CPS1: variants seen among roughly 807,000 people sequenced by gnomAD.
CPS1 encodes the protein carbamoyl-phosphate synthase 1, also known as carbamoyl-phosphate synthase [ammonia], mitochondrial.
A neutral mutation model predicts 174.6 loss-of-function variants in CPS1; 109 were observed. The observed-to-expected ratio is 0.62, with a 90% CI of 0.53 to 0.73. The LOEUF (loss-of-function observed/expected upper bound fraction) is 0.73, where lower values mean the gene tolerates loss of function less well. Among genes scored for constraint, CPS1 ranks in the 30% least tolerant of loss-of-function variants. The pLI is 0.00. For missense variants in CPS1, 1,689 were observed against 1,821.9 expected, an observed-to-expected ratio of 0.93 and a Z score of 1.33; for synonymous variants, 637 against 632.0, an observed-to-expected ratio of 1.01 and a Z score of -0.12.
intron 2 of CPS1, among the ~76,000 whole-genome samples, chr2:210,575,399 G>A (rs1264563831): frequency 6.6e-6 from 1 of 151,962 alleles, no homozygotes; most frequent in East Asian, 1.9e-4. Context: ...CAATTGCAGT[G>A]TATTCCAGTG....
chr2:210,601,730 CA>C (rs1418478330), intron 15 of CPS1, among the ~76,000 whole-genome samples: 14 of 151,888 alleles, frequency 9.2e-5, no homozygotes, highest in Admixed American at 9.2e-4. Flanking sequence ...GGACTATGCT[CA>C]GACTGAACTT....
At chr2:210,648,776 G>C (rs1700466179) in intron 27 of CPS1, among the ~76,000 whole-genome samples, 1 of 152,090 alleles carries the variant, frequency 6.6e-6, no homozygotes, top group Non-Finnish European at 1.5e-5. Flanking sequence ...GTAGTGTAAG[G>C]CATCTCCTTA....
intron 1 of CPS1, among the ~76,000 whole-genome samples, chr2:210,490,806 G>T (rs1464912345): frequency 6.6e-6 from 1 of 152,158 alleles, no homozygotes; most frequent in African/African-American, 2.4e-5. Flanking sequence ...GAAACTGTTG[G>T]TCTGTTATTG....
intron 21 of CPS1, among the ~76,000 whole-genome samples, chr2:210,634,729 A>G (rs554791342): frequency 3.9e-5 from 6 of 152,272 alleles, no homozygotes; most frequent in Admixed American, 1.3e-4. Context: ...ACAATATTTC[A>G]TCTTCCATCA....
chr2:210,675,830 TC>T lies in CPS1; in HGVS notation c.4266del (p.Ile1423SerfsTer4). 1 of 1,501,532 alleles carries T rather than the reference TC, an allele frequency of 6.7e-7. No individual in the cohort carries two copies. Among genetic ancestry groups the T allele is most frequent in the Non-Finnish European group, 9.3e-7 (1 of 1,077,488 alleles). The allele number at this position is 1,501,532 out of a possible 1,614,324, so 93.0% of individuals were successfully genotyped here. Reference sequence around the variant, plus strand: ...AGAAGGACAGAATCCCAGCCTCTCTTCCATCAGAAAGTAAGAACTAGGCATA... The same window carrying T: ...AGAAGGACAGAATCCCAGCCTCTCTTCATCAGAAAGTAAGAACTAGGCATA... ...SQEGQNPSLS[S>X]IRKLIRDGSI... On this transcript the variant is annotated frameshift_variant, in exon 36 of 38. Transcript: ENST00000233072. LOFTEE classifies it high-confidence loss of function.
intron 18 of CPS1, 91 bp downstream of exon 18, chr2:210,607,032 C>A: frequency 1.7e-6 from 2 of 1,147,890 alleles, no homozygotes; most frequent in Non-Finnish European, 2.5e-6. Flanking sequence ...ACTGCATTTA[C>A]AAACTATGTT....
chr2:210,482,335 C>T (rs1694592338), intron 1 of CPS1, among the ~76,000 whole-genome samples: 1 of 150,200 alleles, frequency 6.7e-6, no homozygotes, highest in Non-Finnish European at 1.5e-5. Context: ...GAGATGGAGT[C>T]TCGCTCTGTC....
At chr2:210,478,313 C>T (rs1417123671) in intron 1 of CPS1, among the ~76,000 whole-genome samples, 1 of 152,164 alleles carries the variant, frequency 6.6e-6, no homozygotes. Context: ...TAATGTTTGC[C>T]ATTCTAATGA....
rs929913234 is a variant in CPS1 at position 210,660,386 on chromosome 2, C to T, written c.3757-99C>T. On this transcript the variant is annotated intron_variant, in intron 31 of 37. Coordinates refer to ENST00000233072, the MANE Select transcript of CPS1 (RefSeq NM_001875.5). ...GATTAGCAAAACAAGAGCTGGTCCC[C>T]AGTTAATAACAGCTGGAAACCAGTG... 5 of 1,194,050 alleles carry T rather than the reference C, an allele frequency of 4.2e-6. No homozygotes were observed. The African/African-American group carries it at 4.5e-5, about 11-fold the overall frequency. 74.0% of individuals were successfully genotyped at this position (1,194,050 alleles called of 1,614,324 possible).
At chr2:210,523,531 T>TTCTA (rs1427115757) in intron 1 of CPS1, among the ~76,000 whole-genome samples, 1 of 152,046 alleles carries the variant, frequency 6.6e-6, no homozygotes, top group Non-Finnish European at 1.5e-5. Context: ...GTGTCTTTTA[T>TTCTA]TCTACACTCT....
intron 9 of CPS1, 137 bp from the exon 10 acceptor site, chr2:210,591,694 C>T (rs974511729): frequency 6.7e-6 from 6 of 891,574 alleles, no homozygotes; most frequent in South Asian, 1.7e-5. Flanking sequence ...TGACTTTTCT[C>T]ACAGAGTGAT....
At chr2:210,606,696 T>C (rs1341388073) in intron 17 of CPS1, 35 bp from the exon 18 acceptor site, 1 of 1,596,382 alleles carries the variant, frequency 6.3e-7, no homozygotes, top group South Asian at 1.1e-5. Context: ...TATTTCAATA[T>C]GCCACCAAGT....
intron 1 of CPS1, among the ~76,000 whole-genome samples, chr2:210,484,793 G>A (rs1031403515): frequency 1.3e-5 from 2 of 152,148 alleles, no homozygotes; most frequent in African/African-American, 4.8e-5. Flanking sequence ...GTAGGAGATA[G>A]ACTTCAGACT....
chr2:210,640,894 G>A (rs1700202012), intron 24 of CPS1, among the ~76,000 whole-genome samples: 1 of 152,262 alleles, frequency 6.6e-6, no homozygotes, highest in South Asian at 2.1e-4. Context: ...CATTTGTGCT[G>A]CTGTAACAAA....
rs1698321165 is a variant in CPS1, at chr2:210,592,030, A to G, written c.1086+61A>G. 8.5e-6 allele frequency: 13 copies of G among 1,530,654 alleles called. No homozygotes were observed. The South Asian group carries it at 1.5e-4, about 18-fold the overall frequency. 94.8% of individuals were successfully genotyped at this position (1,530,654 alleles called of 1,614,324 possible). A position where few individuals can be genotyped will look rare whatever the true frequency, so the allele number is the denominator to read the frequency against. On this transcript the variant is annotated intron_variant, in intron 10 of 37. Coordinates refer to ENST00000233072, the MANE Select transcript of CPS1 (RefSeq NM_001875.5). Reference sequence around the variant, plus strand: ...GAGAAACGCAGGGCTTTTAAAAATAATTGATACATAAGCATTGTATATATT... The same window carrying G: ...GAGAAACGCAGGGCTTTTAAAAATAGTTGATACATAAGCATTGTATATATT...
chr2:210,516,589 T>C (rs1260919622), intron 1 of CPS1, among the ~76,000 whole-genome samples: 1 of 151,974 alleles, frequency 6.6e-6, no homozygotes, highest in Non-Finnish European at 1.5e-5. Flanking sequence ...ACTCCTTCAG[T>C]AGTTCTGTAG....
chr2:210,630,516 C>T (rs1186667042), intron 21 of CPS1, among the ~76,000 whole-genome samples: 1 of 152,124 alleles, frequency 6.6e-6, no homozygotes, highest in African/African-American at 2.4e-5. Flanking sequence ...CCACTTAGCA[C>T]TATTAGATAA....
intron 1 of CPS1, chr2:210,519,916 T>A (rs1695777497): frequency 2.8e-6 from 1 of 351,416 alleles, no homozygotes; most frequent in Non-Finnish European, 4.0e-6. Flanking sequence ...GCAGCTGTGG[T>A]AGCTGTGGTT....
At chr2:210,519,147 G>T (rs1451784649) in intron 1 of CPS1, among the ~76,000 whole-genome samples, 1 of 151,944 alleles carries the variant, frequency 6.6e-6, no homozygotes, top group Non-Finnish European at 1.5e-5. Flanking sequence ...TTGTATAACT[G>T]TCCCATCTTT....
Sources: allele counts gnomAD v4.1 joint callset (sites outside exome capture counted in the v4.1 genomes callset), GRCh38; gene constraint gnomAD v4.1.1; transcripts MANE v1.5; gene names NCBI Gene and HGNC (gene_info 2026-07-23, HGNC 2026-07-21).